The following DDX10 variants were observed in gnomAD, a reference collection of about 807,000 sequenced individuals.
The protein encoded by DDX10 is DEAD-box helicase 10, also known as probable ATP-dependent RNA helicase DDX10.
DDX10 carries 74 observed loss-of-function variants against 104.3 expected under a neutral mutation model. The ratio of observed to expected loss-of-function variants is 0.71; its 90% CI spans 0.59 to 0.86. The LOEUF is 0.86. DDX10 is among the 40% of genes least tolerant of loss of function. The pLI is 0.00. For missense variants in DDX10, 952 were observed against 1,040.0 expected (o/e 0.92, Z 1.16); for synonymous variants, 351 against 353.4 (o/e 0.99, Z 0.08).
intron 13 of DDX10, among the ~76,000 whole-genome samples, chr11:108,822,808 A>G (rs989064950): frequency 6.6e-6 from 1 of 152,242 alleles, no homozygotes; most frequent in African/African-American, 2.4e-5. Flanking sequence ...TCATTTTATG[A>G]GGTCTCTCAG....
At chr11:108,844,990 A>G (rs977078921) in intron 15 of DDX10, among the ~76,000 whole-genome samples, 1 of 152,110 alleles carries the variant, frequency 6.6e-6, no homozygotes, top group African/African-American at 2.4e-5. Flanking sequence ...AGGTCAGGAG[A>G]TCGAGACCAT....
At chr11:108,673,391 G>A in intron 1 of DDX10, 76 bp from the exon 2 acceptor site, 1 of 921,390 alleles carries the variant, frequency 1.1e-6, no homozygotes, top group Non-Finnish European at 1.8e-6. Context: ...GATGAGCTGG[G>A]CAATACAATG....
intron 10 of DDX10, among the ~76,000 whole-genome samples, chr11:108,707,793 C>T (rs1372513295): frequency 6.6e-6 from 1 of 152,118 alleles, no homozygotes; most frequent in East Asian, 1.9e-4. Context: ...AATATTAAAA[C>T]CAAAAAGCTA....
chr11:108,784,280 C>T (rs1470149866), intron 13 of DDX10, among the ~76,000 whole-genome samples: 1 of 152,148 alleles, frequency 6.6e-6, no homozygotes, highest in Non-Finnish European at 1.5e-5. Context: ...ACAGCATTCC[C>T]TTTTCTTGGA....
chr11:108,917,916 A>G lies in DDX10; in HGVS notation c.2348A>G (p.Asp783Gly), dbSNP rs773042859. ...GCCTTTCTGGATTGGAGTGATGATG[A>G]TGATGATGATGATGATGGATTTGAT... ...EEAFLDWSDD[D>G]DDDDDGFDPS... Residue 783 changes from aspartate (D) to glycine (G), a missense_variant, in exon 17 of 18, where the codon GAT becomes GGT. By Grantham distance (94) the Asp-to-Gly change is moderately conservative (BLOSUM62 -1). Transcript: ENST00000322536. 1.9e-6 allele frequency: 3 copies of G among 1,612,922 alleles called. No individual in the cohort carries two copies. Among genetic ancestry groups the G allele is most frequent in the East Asian group, 2.2e-5 (1 of 44,860 alleles).
intron 16 of DDX10, among the ~76,000 whole-genome samples, chr11:108,898,924 A>G (rs541738983): frequency 3.5e-4 from 53 of 152,310 alleles, no homozygotes; most frequent in African/African-American, 1.2e-3. Flanking sequence ...GATTAATAGA[A>G]GAAATGGCAT....
intron 13 of DDX10, among the ~76,000 whole-genome samples, chr11:108,772,328 G>A (rs932625658): frequency 1.3e-5 from 2 of 152,164 alleles, no homozygotes; most frequent in Admixed American, 1.3e-4. Flanking sequence ...GATTAGGCAG[G>A]CTCTAAACCT....
chr11:108,922,336 A>G (rs1863845631), intron 17 of DDX10: 1 of 152,110 alleles, frequency 6.6e-6, no homozygotes, highest in Non-Finnish European at 1.5e-5. Context: ...GGAGGGGAAG[A>G]GAAGGAGAAA....
At chr11:108,764,417 C>CA (rs1365933686) in intron 13 of DDX10, among the ~76,000 whole-genome samples, 1 of 152,146 alleles carries the variant, frequency 6.6e-6, no homozygotes, top group Non-Finnish European at 1.5e-5. Context: ...CCTGTAATCC[C>CA]AGCACTTTGG....
chr11:108,674,892 C>G (rs1481372645), intron 2 of DDX10, among the ~76,000 whole-genome samples: 1 of 152,164 alleles, frequency 6.6e-6, no homozygotes, highest in Non-Finnish European at 1.5e-5. Context: ...CTCCTTACTT[C>G]CCCCAGCTTC....
intron 13 of DDX10, among the ~76,000 whole-genome samples, chr11:108,747,588 C>G (rs896025065): frequency 1.3e-5 from 2 of 152,120 alleles, no homozygotes; most frequent in East Asian, 3.9e-4. Flanking sequence ...TTGACAGTCC[C>G]TTTAATTTCT....
At chr11:108,732,621 A>G (rs887832416) in intron 13 of DDX10, among the ~76,000 whole-genome samples, 8 of 152,216 alleles carry the variant, frequency 5.3e-5, no homozygotes, top group African/African-American at 1.9e-4. Flanking sequence ...AAGGACAACA[A>G]GATTTTCTTA....
chr11:108,910,057 C>T (rs1417493598), intron 16 of DDX10, among the ~76,000 whole-genome samples: 1 of 147,584 alleles, frequency 6.8e-6, no homozygotes, highest in Non-Finnish European at 1.5e-5. Flanking sequence ...ACGTATTAGG[C>T]AGCTGGCGCA....
intron 17 of DDX10, among the ~76,000 whole-genome samples, chr11:108,936,205 G>C (rs1864035635): frequency 6.6e-6 from 1 of 152,198 alleles, no homozygotes; most frequent in Admixed American, 6.5e-5. Context: ...CATGTGTTCA[G>C]ATTACATATT....
intron 16 of DDX10, chr11:108,868,391 G>A (rs77010792): frequency 2.5e-4 from 37 of 150,546 alleles, no homozygotes; most frequent in East Asian, 1.2e-3. Flanking sequence ...TTTTTTTTTG[G>A]CCTACACTTT....
chr11:108,815,918 A>G (rs1360975874), intron 13 of DDX10, among the ~76,000 whole-genome samples: 1 of 152,142 alleles, frequency 6.6e-6, no homozygotes, highest in East Asian at 1.9e-4. Context: ...GCCTCACCTT[A>G]AGTTTTCTTT....
At position 108,706,704 on chromosome 11, in the gene DDX10, T is replaced by C. The variant is rs749930511; in HGVS notation, c.1224-35T>C. 1.2e-5 allele frequency: 18 copies of C among 1,491,668 alleles called. No homozygotes were observed. In the Admixed American group the frequency reaches 1.8e-4, roughly 15 times the overall value. 92.4% of individuals were successfully genotyped at this position (1,491,668 alleles called of 1,614,324 possible). A position where few individuals can be genotyped will look rare whatever the true frequency, so the allele number is the denominator to read the frequency against. On this transcript the variant is annotated intron_variant, in intron 9 of 17. Coordinates refer to ENST00000322536, the MANE Select transcript of DDX10 (RefSeq NM_004398.4). ...GTTAAAATGTAAAATGCAGATTGCA[T>C]TGATGTGTTAAAGATTTTGTTTCTT...
intron 13 of DDX10, among the ~76,000 whole-genome samples, chr11:108,788,866 G>A (rs1169419534): frequency 6.6e-6 from 1 of 152,210 alleles, no homozygotes; most frequent in Non-Finnish European, 1.5e-5. Context: ...TGGTGGGAGA[G>A]AGAGATGACC....
At chr11:108,841,247 A>C in intron 14 of DDX10, 68 bp from the exon 15 acceptor site, 3 of 1,362,438 alleles carry the variant, frequency 2.2e-6, no homozygotes, top group Non-Finnish European at 3.1e-6. Flanking sequence ...GAATCATCAG[A>C]CAAAATGAAG....
Sources: gnomAD v4.1 joint callset for allele counts (sites outside exome capture counted in the v4.1 genomes callset) on GRCh38, gnomAD v4.1.1 for gene constraint, MANE v1.5 for transcripts, NCBI Gene and HGNC (gene_info 2026-07-23, HGNC 2026-07-21) for gene names.